Variants in ABCD2 observed in about 807,000 individuals in gnomAD.
The protein encoded by ABCD2 is ATP-binding cassette sub-family D member 2.
Under a neutral mutation model 70.9 loss-of-function variants are expected in ABCD2, and 36 were observed. The observed-to-expected ratio is 0.51, with a 90% CI of 0.39 to 0.67. The LOEUF (loss-of-function observed/expected upper bound fraction) is 0.67. Ranked by LOEUF, ABCD2 falls within the 30% of genes least tolerant of loss-of-function variation. The pLI, the probability that ABCD2 is intolerant of heterozygous loss-of-function variation, is 0.00. For synonymous variants in ABCD2, 304 were observed against 306.9 expected, an observed-to-expected ratio of 0.99 and a Z score of 0.10; for missense variants, 729 against 890.2, an observed-to-expected ratio of 0.82 and a Z score of 2.30.
At chr12:39,610,915 G>A (rs2120763030) in intron 2 of ABCD2, among the ~76,000 whole-genome samples, 1 of 152,284 alleles carries the variant, frequency 6.6e-6, no homozygotes, top group Non-Finnish European at 1.5e-5. Context: ...CTTAGTGCCA[G>A]AGATATAAAT....
At chr12:39,588,306 T>C (rs370953606) in intron 6 of ABCD2, among the ~76,000 whole-genome samples, 15 of 152,152 alleles carry the variant, frequency 9.9e-5, no homozygotes, top group Non-Finnish European at 2.1e-4. Flanking sequence ...CCCATATCTG[T>C]AAATGAAACC....
the ABCD2 span, among the ~76,000 whole-genome samples, chr12:39,534,200 G>A: frequency 3.9e-3 from 590 of 152,252 alleles, 3 homozygotes; most frequent in African/African-American, 0.013. Context: ...CATCCATCAT[G>A]CCCCTGCCAG....
chr12:39,561,923 T>C (rs1941265906), intron 9 of ABCD2, among the ~76,000 whole-genome samples: 1 of 152,198 alleles, frequency 6.6e-6, no homozygotes, highest in East Asian at 1.9e-4. Context: ...TTCTCCAGGA[T>C]AGATCACATG....
intron 9 of ABCD2, among the ~76,000 whole-genome samples, chr12:39,572,140 G>C (rs2120589006): frequency 6.6e-6 from 1 of 152,292 alleles, no homozygotes; most frequent in African/African-American, 2.4e-5. Flanking sequence ...TCCCTCAATT[G>C]AGGAAACAAT....
chr12:39,584,874 T>TCTGTGCCTGTTTTTGTAACAGCA (rs1941644770), intron 7 of ABCD2, among the ~76,000 whole-genome samples: 1 of 152,220 alleles, frequency 6.6e-6, no homozygotes, highest in African/African-American at 2.4e-5. Context: ...TTCATTGGTC[T>TCTGTGCCTGTTTTTGTAACAGCA]CTGTGCCTGT....
intron 9 of ABCD2, among the ~76,000 whole-genome samples, chr12:39,565,255 C>T (rs1941326736): frequency 6.6e-6 from 1 of 152,092 alleles, no homozygotes; most frequent in African/African-American, 2.4e-5. Flanking sequence ...TTCTTCCTAC[C>T]CATGAGCATG....
In ABCD2 at chr12:39,553,812, C is replaced by G. The variant is rs1025528002; in HGVS notation, c.*100G>C. The G allele has an allele frequency of 1.1e-6, 1 of 881,222 alleles. No individual in the cohort carries two copies. The highest frequency in any genetic ancestry group is 2.7e-5 in the East Asian group (1 of 37,132). 54.6% of individuals were successfully genotyped at this position (881,222 alleles called of 1,614,324 possible). On this transcript the variant is annotated 3_prime_UTR_variant, in exon 10 of 10. Coordinates refer to ENST00000308666, the MANE Select transcript of ABCD2 (RefSeq NM_005164.4). ...AATCTTATAAAACATGTCTTGCTGC[C>G]TTTTTTTCTCTGTGCTTAGCTTAAC...
At chr12:39,585,270 T>A (rs188307873) in intron 7 of ABCD2, among the ~76,000 whole-genome samples, 4 of 152,194 alleles carry the variant, frequency 2.6e-5, no homozygotes, top group Non-Finnish European at 5.9e-5. Flanking sequence ...TTCATTCTTT[T>A]TGTGGCAATT....
intron 9 of ABCD2, among the ~76,000 whole-genome samples, chr12:39,568,943 A>G (rs1941403445): frequency 6.6e-6 from 1 of 152,184 alleles, no homozygotes; most frequent in South Asian, 2.1e-4. Context: ...AGAACAGCAA[A>G]TATTCCTGAA....
downstream of ABCD2, among the ~76,000 whole-genome samples, chr12:39,547,384 C>T (rs890010929): frequency 2.6e-5 from 4 of 152,076 alleles, no homozygotes; most frequent in Non-Finnish European, 5.9e-5. Context: ...CAACCATATT[C>T]ACACAGCACT....
intron 3 of ABCD2, among the ~76,000 whole-genome samples, chr12:39,605,971 A>G (rs1941964260): frequency 6.6e-6 from 1 of 152,170 alleles, no homozygotes; most frequent in Non-Finnish European, 1.5e-5. Context: ...TCATTTCTAT[A>G]TGTTAATGTT....
At chr12:39,591,448 G>A (rs963859868) in intron 6 of ABCD2, among the ~76,000 whole-genome samples, 11 of 152,016 alleles carry the variant, frequency 7.2e-5, no homozygotes, top group African/African-American at 2.4e-4. Context: ...GCAGTGGCTC[G>A]CATCTGTAAT....
intron 6 of ABCD2, 90 bp downstream of exon 6, chr12:39,600,481 T>G: frequency 8.2e-7 from 1 of 1,214,544 alleles, no homozygotes. Context: ...AAAACATTCT[T>G]AAAGATATAT....
At chr12:39,533,769 G>A in the ABCD2 span, among the ~76,000 whole-genome samples, 98 of 152,242 alleles carry the variant, frequency 6.4e-4, no homozygotes, top group African/African-American at 2.1e-3. Context: ...TTGTTTCATC[G>A]TCCAAGAAGT....
chr12:39,534,769 AG>A, the ABCD2 span, among the ~76,000 whole-genome samples: 1 of 16,532 alleles, frequency 6.0e-5, no homozygotes, highest in Admixed American at 1.1e-3. Flanking sequence ...AGAGAAAGAA[AG>A]AAAGAAAGAA....
chr12:39,547,507 T>C (rs377611264), downstream of ABCD2, among the ~76,000 whole-genome samples: 1 of 152,134 alleles, frequency 6.6e-6, no homozygotes, highest in Non-Finnish European at 1.5e-5. Flanking sequence ...TTCTATCACA[T>C]GCTACAACAT....
chr12:39,566,933 T>G (rs140832513), intron 9 of ABCD2, among the ~76,000 whole-genome samples: 2,383 of 152,256 alleles, frequency 0.016, 76 homozygotes, highest in African/African-American at 0.053. Context: ...CCATGTAGTT[T>G]AGCGGTTTTG....
At chr12:39,586,554 A>T (rs11172695) in intron 6 of ABCD2, among the ~76,000 whole-genome samples, 5,096 of 152,210 alleles carry the variant, frequency 0.033, 120 homozygotes, top group Non-Finnish European at 0.051. Flanking sequence ...TTTCTAAAAA[A>T]TTCTATTTTA....
Position 39,573,625 on chromosome 12 carries a change from C to G in ABCD2, c.2003+91G>C, listed in dbSNP as rs537430129. ...ATGGGTAGAAAATAAGTGAAATACC[C>G]TACCCTCTACTGTGAAAAATTTAGC... On this transcript the variant is annotated intron_variant, in intron 9 of 9. Transcript: ENST00000308666. The G allele has an allele frequency of 4.9e-6, 7 of 1,420,252 alleles. No individual in the cohort carries two copies. The African/African-American group carries it at 1.0e-4, about 20-fold the overall frequency. The allele number at this position is 1,420,252 out of a possible 1,614,324, so 88.0% of individuals were successfully genotyped here.
Sources: gnomAD v4.1 joint callset for allele counts (sites outside exome capture counted in the v4.1 genomes callset) on GRCh38, gnomAD v4.1.1 for gene constraint, MANE v1.5 for transcripts, NCBI Gene and HGNC (gene_info 2026-07-23, HGNC 2026-07-21) for gene names.